TBC1D4: variants seen among roughly 807,000 people sequenced by gnomAD.
TBC1D4 encodes the protein TBC (Tre-2, BUB2, CDC16) domain-containing protein.
TBC1D4 carries 121 observed loss-of-function variants against 142.5 expected under a neutral mutation model. The observed-to-expected ratio is 0.85, with a 90% CI of 0.73 to 0.99. The LOEUF is 0.99. Among genes scored for constraint, TBC1D4 ranks in the 50% least tolerant of loss-of-function variants. The probability of loss-of-function intolerance (pLI) is 0.00; values close to 1 mark genes in which losing one functional copy is unlikely to be tolerated. For missense variants in TBC1D4, 1,475 were observed against 1,606.6 expected (o/e 0.92, Z 1.40); for synonymous variants, 630 against 628.2 (o/e 1.00, Z -0.04).
chr13:75,481,736 G>A lies in TBC1D4; in HGVS notation c.32C>T (p.Pro11Leu). The A allele has an allele frequency of 6.3e-7, 1 of 1,593,906 alleles. No homozygotes were observed. The highest frequency in any genetic ancestry group is 8.5e-7 in the Non-Finnish European group (1 of 1,173,102). The part of the protein sequence containing the change: MEPPSCIQDE[P>L]FPHPLEPEPG... ...CTCGGGCTCCAGGGGGTGCGGGAAC[G>A]GCTCATCCTGAATGCAGCTGGGCGG... Residue 11 changes from proline (P) to leucine (L), a missense_variant, in exon 1 of 21, where the codon CCG becomes CTG. This residue lies in a region of TBC1D4 where 1,227 missense variants were observed against 1,267.7 expected (regional missense o/e 0.97). Coordinates refer to ENST00000377636, the MANE Select transcript of TBC1D4 (RefSeq NM_014832.5).
At chr13:75,389,033 T>C (rs544144056) in intron 1 of TBC1D4, among the ~76,000 whole-genome samples, 63 of 152,338 alleles carry the variant, frequency 4.1e-4, no homozygotes, top group African/African-American at 1.4e-3. Context: ...ATTTTAAGGA[T>C]TTGTGAAATT....
rs1490621339 is a variant in TBC1D4, at chr13:75,481,385, C to A, written c.383G>T (p.Arg128Leu). The A allele has an allele frequency of 6.2e-7, 1 of 1,613,904 alleles. No homozygotes were observed. Among genetic ancestry groups the A allele is most frequent in the South Asian group, 1.1e-5 (1 of 91,086 alleles). ...IFEHKAQHISRFIHNSHDLTY... is the reference protein window; with the variant it reads ...IFEHKAQHISLFIHNSHDLTY... Reference sequence around the variant, plus strand: ...GAGGTCGTGGCTGTTGTGGATGAAGCGCGAGATATGCTGCGCCTTGTGCTC... The same window carrying A: ...GAGGTCGTGGCTGTTGTGGATGAAGAGCGAGATATGCTGCGCCTTGTGCTC... Residue 128 changes from arginine to leucine, a missense_variant, in exon 1 of 21, where the codon CGC becomes CTC. By Grantham distance (102) the Arg-to-Leu change is moderately radical (BLOSUM62 -2). Around this residue, in one of 2 missense-constraint regions of TBC1D4, gnomAD observed 1,227 missense variants for 1,267.7 expected, o/e 0.97. Coordinates refer to ENST00000377636, the MANE Select transcript of TBC1D4 (RefSeq NM_014832.5).
intron 1 of TBC1D4, among the ~76,000 whole-genome samples, chr13:75,429,033 A>G (rs1036691186): frequency 6.6e-6 from 1 of 152,176 alleles, no homozygotes; most frequent in Non-Finnish European, 1.5e-5. Context: ...AAATTTCTCA[A>G]ACCACATACC....
intron 6 of TBC1D4, 96 bp downstream of exon 6, chr13:75,341,400 T>C: frequency 1.5e-6 from 2 of 1,324,992 alleles, no homozygotes; most frequent in Non-Finnish European, 2.2e-6. Context: ...CATGCATCTT[T>C]AGCTCTAGGC....
chr13:75,379,885 C>CTTTT (rs1883718060), intron 1 of TBC1D4, among the ~76,000 whole-genome samples: 1 of 98,536 alleles, frequency 1.0e-5, no homozygotes. Flanking sequence ...GTTCATCTGA[C>CTTTT]TCTTTTTTTT....
intron 12 of TBC1D4, among the ~76,000 whole-genome samples, chr13:75,319,395 T>C (rs1878566354): frequency 1.3e-5 from 2 of 152,176 alleles, no homozygotes; most frequent in Non-Finnish European, 2.9e-5. Context: ...TTGTTAGCAG[T>C]GATTCTAGAT....
Position 75,481,457 on chromosome 13 carries a change from C to G in TBC1D4, c.311G>C (p.Gly104Ala), listed in dbSNP as rs771570274. The G allele has an allele frequency of 6.2e-7, 1 of 1,613,538 alleles. No homozygotes were observed. Reference sequence around the variant, plus strand: ...GGGCTGCGTGGCCGACGGACTAGTGCCCCCCGAGGCCCCAGCGCCCGGCGC... The same window carrying G: ...GGGCTGCGTGGCCGACGGACTAGTGGCCCCCGAGGCCCCAGCGCCCGGCGC... ...VPAPGAGASGGTSPSATQPNP... is the reference protein window; with the variant it reads ...VPAPGAGASGATSPSATQPNP... The change falls in exon 1 of 21, where the codon GGC becomes GCC. Residue 104 changes from glycine (G) to alanine (A), a missense_variant. Physicochemically the swap from Gly to Ala is moderately conservative, Grantham distance 60 (BLOSUM62 0). Around this residue, in one of 2 missense-constraint regions of TBC1D4, gnomAD observed 1,227 missense variants for 1,267.7 expected, o/e 0.97. Transcript: ENST00000377636.
intron 4 of TBC1D4, among the ~76,000 whole-genome samples, chr13:75,351,460 G>A (rs1881585737): frequency 1.3e-5 from 2 of 151,368 alleles, no homozygotes; most frequent in African/African-American, 4.9e-5. Flanking sequence ...GGGTACATGT[G>A]CACAACGTGC....
Position 75,362,204 on chromosome 13 carries a change from A to C in TBC1D4, c.902T>G (p.Leu301Trp), listed in dbSNP as rs754164973. Residue 301 changes from leucine to tryptophan, a missense_variant, in exon 2 of 21, where the codon TTG (leucine) becomes TGG (tryptophan). Around this residue, in one of 2 missense-constraint regions of TBC1D4, gnomAD observed 1,227 missense variants for 1,267.7 expected, o/e 0.97. Transcript: ENST00000377636. The surrounding 1 kb of genome is among the most constrained non-coding windows in gnomAD (Gnocchi z 4.2). ...SSRVCFPERI[L>W]EDSGFDEQQE... Reference sequence around the variant, plus strand: ...CTGCTCATCAAAGCCAGAATCTTCCAAAATCCGCTCAGGGAAGCAGACCCG... The same window carrying C: ...CTGCTCATCAAAGCCAGAATCTTCCCAAATCCGCTCAGGGAAGCAGACCCG... 3 of 1,613,628 alleles carry C rather than the reference A, an allele frequency of 1.9e-6. No individual in the cohort carries two copies. The African/African-American group carries it at 4.0e-5, about 22-fold the overall frequency.
At chr13:75,413,153 T>A (rs1302864559) in intron 1 of TBC1D4, among the ~76,000 whole-genome samples, 1 of 151,922 alleles carries the variant, frequency 6.6e-6, no homozygotes, top group Non-Finnish European at 1.5e-5. Flanking sequence ...TCAGAAACAC[T>A]GAACAGCCAA....
At chr13:75,326,074 T>C in intron 10 of TBC1D4, 123 bp downstream of exon 10, 1 of 1,116,048 alleles carries the variant, frequency 9.0e-7, no homozygotes, top group Non-Finnish European at 1.3e-6. Flanking sequence ...AATTTGTTTT[T>C]ATGGTGTTTC....
intron 1 of TBC1D4, among the ~76,000 whole-genome samples, chr13:75,471,117 T>G (rs1888381290): frequency 6.6e-6 from 1 of 151,994 alleles, no homozygotes; most frequent in African/African-American, 2.4e-5. Flanking sequence ...TTATGTCATG[T>G]TCACACTCCA....
At chr13:75,319,045 C>T (rs931378690) in intron 12 of TBC1D4, among the ~76,000 whole-genome samples, 5 of 152,080 alleles carry the variant, frequency 3.3e-5, no homozygotes, top group Admixed American at 3.3e-4. Flanking sequence ...CCTAAAAGGA[C>T]ACAAGGCAGA....
At chr13:75,445,832 T>G (rs552503562) in intron 1 of TBC1D4, among the ~76,000 whole-genome samples, 1 of 152,380 alleles carries the variant, frequency 6.6e-6, no homozygotes, top group South Asian at 2.1e-4. Flanking sequence ...ATCATATTCA[T>G]AATCTGATGA....
chr13:75,283,908 C>CT lies in TBC1D4; in HGVS notation c.*2883dup, dbSNP rs76460510. Among the ~76,000 whole-genome samples, 2,034 of 151,140 alleles carry CT rather than the reference C, an allele frequency of 0.013. 59 individuals are homozygous for CT. Among genetic ancestry groups the CT allele is most frequent in the East Asian group, 0.13 (650 of 5,074 alleles). On this transcript the variant is annotated 3_prime_UTR_variant, in exon 21 of 21. Transcript: ENST00000377636. ...CTTTTTTGTTTGGTTGTTTGTTTTT[C>CT]TTTTTTTTTGTCAAAGTCTCACTCT... is the stretch of plus-strand genomic sequence containing the variant.
At chr13:75,375,606 C>T in intron 1 of TBC1D4, 1 of 152,088 alleles carries the variant, frequency 6.6e-6, no homozygotes, top group East Asian at 1.9e-4. Flanking sequence ...CATCGCTTGT[C>T]ATTAAATATC....
At chr13:75,417,804 T>C (rs1393867115) in intron 1 of TBC1D4, among the ~76,000 whole-genome samples, 4 of 152,224 alleles carry the variant, frequency 2.6e-5, no homozygotes, top group Non-Finnish European at 5.9e-5. Flanking sequence ...CCTGGCTTTT[T>C]ACCTTTTAGT....
Position 75,481,827 on chromosome 13 carries a change from C to A in TBC1D4, c.-60G>T. The stretch of plus-strand genomic sequence containing the variant: ...CCGGGCGCACCGCGCCCCCCACTCC[C>A]GCGCAGAAGGCGCCGCCGAAACTGT... On this transcript the variant is annotated 5_prime_UTR_variant, in exon 1 of 21. Transcript: ENST00000377636. 7.0e-7 allele frequency: 1 copy of A among 1,422,858 alleles called. No individual in the cohort carries two copies. Among genetic ancestry groups the A allele is most frequent in the Non-Finnish European group, 9.1e-7 (1 of 1,097,584 alleles). 88.1% of individuals were successfully genotyped at this position (1,422,858 alleles called of 1,614,324 possible).
At chr13:75,309,891 T>A (rs746728806) in intron 14 of TBC1D4, 51 bp downstream of exon 14, 128 of 1,591,422 alleles carry the variant, frequency 8.0e-5, no homozygotes, top group Non-Finnish European at 3.2e-5. Flanking sequence ...AGGTTTAACA[T>A]ACACCCTTCA....
Sources: gnomAD v4.1 joint callset for allele counts (sites outside exome capture counted in the v4.1 genomes callset) on GRCh38, gnomAD v4.1.1 for gene constraint, gnomAD v4.1.1 regional missense constraint, Gnocchi (gnomAD v3.1) non-coding constraint, MANE v1.5 for transcripts, NCBI Gene and HGNC (gene_info 2026-07-23, HGNC 2026-07-21) for gene names.